The following ATG10 variants were observed in gnomAD, a reference collection of about 807,000 sequenced individuals.
ATG10 encodes the protein ubiquitin-like-conjugating enzyme ATG10.
Under a neutral mutation model 32.1 loss-of-function variants are expected in ATG10, and 30 were observed. That is an observed-to-expected ratio of 0.94 (90% confidence interval 0.70 to 1.27). The LOEUF is 1.27. Among genes scored for constraint, ATG10 ranks in the 50% most tolerant of loss-of-function variants. The pLI, the probability that ATG10 is intolerant of heterozygous loss-of-function variation, is 0.00. For synonymous variants in ATG10, 87 were observed against 91.5 expected, an observed-to-expected ratio of 0.95 and a Z score of 0.28; for missense variants, 233 against 262.3, an observed-to-expected ratio of 0.89 and a Z score of 0.77.
At chr5:82,013,958 G>A (rs973468637) in intron 2 of ATG10, among the ~76,000 whole-genome samples, 1 of 151,846 alleles carries the variant, frequency 6.6e-6, no homozygotes, top group Non-Finnish European at 1.5e-5. Flanking sequence ...TTTCTCTTGC[G>A]GGCATTTAGT....
At chr5:82,209,530 T>C (rs1745420072) in intron 5 of ATG10, among the ~76,000 whole-genome samples, 1 of 152,206 alleles carries the variant, frequency 6.6e-6, no homozygotes, top group Non-Finnish European at 1.5e-5. Flanking sequence ...ACCATGTGTG[T>C]TGGTACCTTG....
intron 2 of ATG10, among the ~76,000 whole-genome samples, chr5:82,008,498 A>G (rs1292721575): frequency 6.6e-6 from 1 of 152,158 alleles, no homozygotes; most frequent in Non-Finnish European, 1.5e-5. Flanking sequence ...TGTGAATTAA[A>G]TACCTTTGAA....
intron 4 of ATG10, among the ~76,000 whole-genome samples, chr5:82,173,169 G>A (rs1355306900): frequency 6.6e-6 from 1 of 152,126 alleles, no homozygotes; most frequent in African/African-American, 2.4e-5. Context: ...GTTAAAAAAT[G>A]TTAGTGAAAC....
At chr5:82,076,765 C>T (rs988090903) in intron 3 of ATG10, among the ~76,000 whole-genome samples, 4 of 152,126 alleles carry the variant, frequency 2.6e-5, no homozygotes, top group African/African-American at 9.6e-5. Context: ...AATTGGACTC[C>T]CTCAATTGTA....
chr5:82,111,403 T>G (rs1265078273), intron 3 of ATG10: 1 of 151,980 alleles, frequency 6.6e-6, no homozygotes, highest in African/African-American at 2.4e-5. Context: ...ATCTTGCTTA[T>G]GCAGACTGCT....
intron 5 of ATG10, among the ~76,000 whole-genome samples, chr5:82,197,716 TTCTTTCTATCTATCTATCTATCTATCTA>T (rs1251609745): frequency 8.4e-5 from 12 of 142,188 alleles, no homozygotes; most frequent in African/African-American, 2.9e-4. Flanking sequence ...CTTTCTTTCT[TTCTTTCTATCTATCTATCTATCTATCTA>T]TCTATCTATC....
intron 2 of ATG10, among the ~76,000 whole-genome samples, chr5:82,003,415 G>C (rs1233896774): frequency 6.6e-6 from 1 of 152,158 alleles, no homozygotes; most frequent in Non-Finnish European, 1.5e-5. Flanking sequence ...CCAGGTCTGA[G>C]GGAAGAAGTG....
At chr5:82,030,408 C>T (rs1762712522) in intron 2 of ATG10, among the ~76,000 whole-genome samples, 1 of 152,100 alleles carries the variant, frequency 6.6e-6, no homozygotes, top group African/African-American at 2.4e-5. Flanking sequence ...TGGCTACTAC[C>T]TACATTTTGG....
At chr5:82,129,455 C>G (rs1380103564) in intron 3 of ATG10, among the ~76,000 whole-genome samples, 1 of 152,058 alleles carries the variant, frequency 6.6e-6, no homozygotes, top group African/African-American at 2.4e-5. Context: ...CCTTTTTGCA[C>G]TGATTTTTCC....
intron 3 of ATG10, among the ~76,000 whole-genome samples, chr5:82,066,191 T>C (rs1763938090): frequency 6.6e-6 from 1 of 152,196 alleles, no homozygotes; most frequent in African/African-American, 2.4e-5. Flanking sequence ...TTATGAAGTT[T>C]TGAGTCATTT....
At chr5:82,011,059 C>T (rs180981963) in intron 2 of ATG10, among the ~76,000 whole-genome samples, 9 of 152,216 alleles carry the variant, frequency 5.9e-5, no homozygotes, top group African/African-American at 1.9e-4. Context: ...TGCTACTTAT[C>T]GTTTTCTAAG....
At chr5:82,031,340 TA>T (rs146382883) in intron 2 of ATG10, among the ~76,000 whole-genome samples, 14,901 of 151,452 alleles carry the variant, frequency 0.098, 969 homozygotes, top group South Asian at 0.22. Context: ...AGGTTAATTA[TA>T]AAAAAAAATG....
At position 81,987,847 on chromosome 5, in the gene ATG10, T is replaced by C. The variant is rs139506998; in HGVS notation, c.108+169T>C. Among the ~76,000 whole-genome samples, 14 of 152,202 alleles carry C rather than the reference T, an allele frequency of 9.2e-5. No homozygotes were observed. In the East Asian group the frequency reaches 2.7e-3, roughly 29 times the overall value. ...TGTCTTACAACAGATGTCCATTTTC[T>C]TACTTCAACTATATATATTGATTAT... On this transcript the variant is annotated intron_variant, in intron 2 of 7. Coordinates refer to ENST00000282185, the MANE Select transcript of ATG10 (RefSeq NM_031482.5).
At chr5:82,085,452 G>A (rs970752567) in intron 3 of ATG10, among the ~76,000 whole-genome samples, 4 of 143,500 alleles carry the variant, frequency 2.8e-5, no homozygotes, top group Non-Finnish European at 6.1e-5. Context: ...GGATATCCTT[G>A]TTGAACAATA....
chr5:82,090,411 A>C (rs1391395007), intron 3 of ATG10, among the ~76,000 whole-genome samples: 2 of 152,212 alleles, frequency 1.3e-5, no homozygotes, highest in African/African-American at 2.4e-5. Context: ...CATCTATTCC[A>C]TTATTCTATT....
intron 4 of ATG10, among the ~76,000 whole-genome samples, chr5:82,170,038 A>G (rs1743740935): frequency 6.6e-6 from 1 of 152,240 alleles, no homozygotes; most frequent in Admixed American, 6.5e-5. Context: ...AAGTAAAACT[A>G]CAGAGATAGC....
At chr5:82,096,565 G>A (rs539435689) in intron 3 of ATG10, among the ~76,000 whole-genome samples, 2 of 152,264 alleles carry the variant, frequency 1.3e-5, no homozygotes, top group South Asian at 4.2e-4. Flanking sequence ...CTGAGGTATA[G>A]AAAGAAGGAG....
At chr5:82,012,775 C>A (rs1052901629) in intron 2 of ATG10, among the ~76,000 whole-genome samples, 1 of 152,074 alleles carries the variant, frequency 6.6e-6, no homozygotes, top group Non-Finnish European at 1.5e-5. Context: ...CCCACCTCAG[C>A]CTCTCGAGTA....
chr5:82,121,940 A>ATTTTTTTTTTTTTTTTTTT (rs1440013348), intron 3 of ATG10, among the ~76,000 whole-genome samples: 1 of 128,528 alleles, frequency 7.8e-6, no homozygotes, highest in Non-Finnish European at 1.6e-5. Context: ...ATTGGCCTGA[A>ATTTTTTTTTTTTTTTTTTT]GTTTTTTTTT....
Sources: allele counts gnomAD v4.1 joint callset (sites outside exome capture counted in the v4.1 genomes callset), GRCh38; gene constraint gnomAD v4.1.1; transcripts MANE v1.5; gene names NCBI Gene and HGNC (gene_info 2026-07-23, HGNC 2026-07-21).